The following CLEC16A variants were observed in gnomAD, a reference collection of about 807,000 sequenced individuals.
CLEC16A encodes the protein protein CLEC16A.
CLEC16A carries 51 observed loss-of-function variants against 109.5 expected under a neutral mutation model. That is an observed-to-expected ratio of 0.47 (90% CI 0.37 to 0.59). The LOEUF is 0.59. Ranked by LOEUF, CLEC16A falls within the 20% of genes least tolerant of loss-of-function variation. The pLI, the probability that CLEC16A is intolerant of heterozygous loss-of-function variation, is 0.00. For synonymous variants in CLEC16A, 673 were observed against 564.2 expected (o/e 1.19, Z -2.73); for missense variants, 1,339 against 1,394.0 (o/e 0.96, Z 0.63).
intron 19 of CLEC16A, among the ~76,000 whole-genome samples, chr16:11,099,547 A>C (rs1465118673): frequency 2.0e-5 from 3 of 152,260 alleles, no homozygotes; most frequent in Non-Finnish European, 4.4e-5. Context: ...CAATGCAGAA[A>C]GTCCTTTTGG....
chr16:11,125,082 C>T (rs1186116929), intron 21 of CLEC16A, among the ~76,000 whole-genome samples: 1 of 152,128 alleles, frequency 6.6e-6, no homozygotes, highest in Non-Finnish European at 1.5e-5. Flanking sequence ...GGGTGAGACC[C>T]TGTCTCAAAA....
chr16:11,145,727 G>A (rs2054025864), intron 22 of CLEC16A, among the ~76,000 whole-genome samples: 1 of 152,250 alleles, frequency 6.6e-6, no homozygotes, highest in Non-Finnish European at 1.5e-5. Context: ...TCCTGACCTT[G>A]GCCAAGCCTG....
intron 19 of CLEC16A, among the ~76,000 whole-genome samples, chr16:11,073,930 C>T (rs919261211): frequency 3.3e-5 from 5 of 152,158 alleles, no homozygotes; most frequent in African/African-American, 1.2e-4. Flanking sequence ...TAATTTCAGG[C>T]AGTTGGATTG....
chr16:11,122,593 G>A (rs147287342), intron 20 of CLEC16A, among the ~76,000 whole-genome samples: 14 of 152,278 alleles, frequency 9.2e-5, no homozygotes, highest in Non-Finnish European at 1.9e-4. Context: ...TTTGATGGGG[G>A]TGTTATCTCC....
chr16:11,029,429 T>C (rs1440951768), intron 13 of CLEC16A, among the ~76,000 whole-genome samples: 1 of 148,970 alleles, frequency 6.7e-6, no homozygotes, highest in Non-Finnish European at 1.5e-5. Flanking sequence ...ATCTTGTCCA[T>C]GAATTTTAAC....
intron 13 of CLEC16A, among the ~76,000 whole-genome samples, chr16:11,030,772 G>A (rs1489193348): frequency 2.0e-5 from 3 of 152,164 alleles, no homozygotes; most frequent in Admixed American, 2.0e-4. Context: ...AGCCTCCAGA[G>A]TAGCTGGGAC....
intron 19 of CLEC16A, among the ~76,000 whole-genome samples, chr16:11,078,943 A>C (rs1344298593): frequency 6.6e-6 from 1 of 152,186 alleles, no homozygotes; most frequent in African/African-American, 2.4e-5. Context: ...TTAAGCTTGC[A>C]TACAGTGTGC....
At chr16:11,041,624 C>A (rs2047341107) in intron 14 of CLEC16A, 2 of 152,378 alleles carry the variant, frequency 1.3e-5, no homozygotes, top group African/African-American at 4.8e-5. Context: ...GAATACTTTA[C>A]TAAGATTAAA....
chr16:10,985,920 G>C (rs539569921), intron 10 of CLEC16A, among the ~76,000 whole-genome samples: 4 of 148,794 alleles, frequency 2.7e-5, no homozygotes, highest in African/African-American at 5.0e-5. Context: ...TGGCCAGGCT[G>C]CTCTTGAACT....
intron 19 of CLEC16A, among the ~76,000 whole-genome samples, chr16:11,078,076 A>C (rs76383181): frequency 1.1e-3 from 162 of 151,778 alleles, no homozygotes; most frequent in Middle Eastern, 6.8e-3. Context: ...TTTTACTTTG[A>C]CCTGCCTGAA....
In CLEC16A at chr16:11,064,902, C is replaced by T. The variant is rs571070576; in HGVS notation, c.2116+3880C>T. Among the ~76,000 whole-genome samples the T allele has an allele frequency of 5.3e-5, 8 of 152,356 alleles. No individual in the cohort carries two copies. The South Asian group carries it at 1.7e-3, about 32-fold the overall frequency. On this transcript the variant is annotated intron_variant, in intron 19 of 23. Transcript: ENST00000409790. ...TAGGTGCCCAGTGAGTGGGAGTTGGCTGCTTCCCTGCTGCAGCTGCTGAAT... is the reference window on the plus strand; with the variant it reads ...TAGGTGCCCAGTGAGTGGGAGTTGGTTGCTTCCCTGCTGCAGCTGCTGAAT...
chr16:10,991,735 C>G (rs2044028317), intron 10 of CLEC16A, among the ~76,000 whole-genome samples: 1 of 152,200 alleles, frequency 6.6e-6, no homozygotes, highest in Non-Finnish European at 1.5e-5. Context: ...CTCTAATGAG[C>G]GGTGGACATC....
At chr16:10,967,849 C>T (rs2042586354) in intron 3 of CLEC16A, among the ~76,000 whole-genome samples, 1 of 152,200 alleles carries the variant, frequency 6.6e-6, no homozygotes, top group African/African-American at 2.4e-5. Flanking sequence ...ACGATTAAAC[C>T]CAGAGCTTCC....
At chr16:11,077,614 G>A (rs563678801) in intron 19 of CLEC16A, among the ~76,000 whole-genome samples, 8 of 152,042 alleles carry the variant, frequency 5.3e-5, no homozygotes, top group African/African-American at 1.2e-4. Context: ...AGCTGTGATC[G>A]AGCCACTGCA....
chr16:11,021,551 G>A (rs768120870), intron 12 of CLEC16A, among the ~76,000 whole-genome samples: 4 of 152,176 alleles, frequency 2.6e-5, no homozygotes, highest in African/African-American at 4.8e-5. Context: ...AAATCCTAGC[G>A]CTTTGGGAGG....
At position 11,174,282 on chromosome 16, in the gene CLEC16A, G is replaced by T; in HGVS notation, c.2807-4053G>T. 1 of 459,936 alleles carries T rather than the reference G, an allele frequency of 2.2e-6. No homozygotes were observed. Among genetic ancestry groups the T allele is most frequent in the Non-Finnish European group, 4.5e-6 (1 of 224,544 alleles). The allele number at this position is 459,936 out of a possible 1,614,324, so 28.5% of individuals were successfully genotyped here. A position where few individuals can be genotyped will look rare whatever the true frequency, so the allele number is the denominator to read the frequency against. On this transcript the variant is annotated intron_variant, in intron 23 of 23. Transcript: ENST00000409790. The surrounding 1 kb of genome is among the most constrained non-coding windows in gnomAD (Gnocchi z 4.7). ...CCTCACGCACAGTCAATTCAGGCAGGTCTCCCCTGTGAGCCGCTCGGGCCG... is the reference window on the plus strand; with the variant it reads ...CCTCACGCACAGTCAATTCAGGCAGTTCTCCCCTGTGAGCCGCTCGGGCCG...
At chr16:11,084,213 C>G (rs12932833) in intron 19 of CLEC16A, among the ~76,000 whole-genome samples, 25,003 of 151,996 alleles carry the variant, frequency 0.16, 2,315 homozygotes, top group South Asian at 0.24. Context: ...CTGTGTTTGG[C>G]CAACTCCCTG....
chr16:11,168,358 C>T lies in CLEC16A; in HGVS notation c.2806+1806C>T, dbSNP rs536710415. Among the ~76,000 whole-genome samples, 18 of 152,306 alleles carry T rather than the reference C, an allele frequency of 1.2e-4. No homozygotes were observed. The East Asian group carries it at 3.5e-3, about 29-fold the overall frequency. ...GCTATTAACTTGGCTGTCAGGTGGC[C>T]AGGCAGTTCCAGTCAATAAGTGAGA... On this transcript the variant is annotated intron_variant, in intron 23 of 23. Transcript: ENST00000409790.
intron 13 of CLEC16A, among the ~76,000 whole-genome samples, chr16:11,033,404 T>C (rs1331553937): frequency 6.6e-6 from 1 of 152,064 alleles, no homozygotes; most frequent in East Asian, 1.9e-4. Flanking sequence ...TTGGAGTAGG[T>C]TTGGAGAAGA....
Sources: gnomAD v4.1 joint callset for allele counts (sites outside exome capture counted in the v4.1 genomes callset) on GRCh38, gnomAD v4.1.1 for gene constraint, Gnocchi (gnomAD v3.1) non-coding constraint, MANE v1.5 for transcripts, NCBI Gene and HGNC (gene_info 2026-07-23, HGNC 2026-07-21) for gene names.